Variants in MACF1 observed in about 807,000 individuals in gnomAD.
MACF1 encodes microtubule-actin cross-linking factor 1.
A neutral mutation model predicts 854.8 loss-of-function variants in MACF1; 193 were observed. The observed-to-expected ratio is 0.23, with a 90% CI of 0.20 to 0.25. MACF1 has a LOEUF of 0.25. Ranked by LOEUF, MACF1 falls within the 10% of genes least tolerant of loss-of-function variation. MACF1 has a pLI of 1.00. For missense variants in MACF1, 7,722 were observed against 8,929.1 expected, an observed-to-expected ratio of 0.86 and a Z score of 5.45; for synonymous variants, 3,185 against 3,226.7, an observed-to-expected ratio of 0.99 and a Z score of 0.44.
chr1:39,113,332 A>G (rs1265185166), intron 2 of MACF1, among the ~76,000 whole-genome samples: 1 of 152,182 alleles, frequency 6.6e-6, no homozygotes, highest in African/African-American at 2.4e-5. Flanking sequence ...ATCACTTCCT[A>G]TATGTCTCAA....
chr1:39,332,748 C>G lies in MACF1; in HGVS notation c.6160C>G (p.Arg2054Gly), dbSNP rs533875392. Residue 2054 changes from arginine to glycine, a missense_variant, in exon 37 of 101, where the codon CGG (arginine) becomes GGG (glycine). Coordinates refer to ENST00000564288, the MANE Select transcript of MACF1 (RefSeq NM_001394062.1). Reference protein sequence around the residue: ...FSSQNKEYPDREDCTTEKGKK... With the variant: ...FSSQNKEYPDGEDCTTEKGKK... ...TTCTCAGAACAAAGAATATCCCGAT[C>G]GGGAAGATTGCACTACAGAAAAAGG... 1.9e-6 allele frequency: 3 copies of G among 1,614,058 alleles called. No individual in the cohort carries two copies. The highest frequency in any genetic ancestry group is 1.7e-6 in the Non-Finnish European group (2 of 1,180,014).
chr1:39,329,308 C>T (rs1250114640), intron 36 of MACF1, among the ~76,000 whole-genome samples: 1 of 152,126 alleles, frequency 6.6e-6, no homozygotes, highest in East Asian at 1.9e-4. Flanking sequence ...GCTATCCATT[C>T]TGTATTCTTA....
chr1:39,350,755 G>C lies in MACF1; in HGVS notation c.10966-30G>C, dbSNP rs181803782. On this transcript the variant is annotated intron_variant, in intron 42 of 100. Transcript: ENST00000564288. ...GGACTTAGAAGCACTAAAGTCGAAG[G>C]CTCTGCCATTCCTATTTTCTTGTGT... is the stretch of plus-strand genomic sequence containing the variant. 1,236 of 1,545,818 alleles carry C rather than the reference G, an allele frequency of 8.0e-4. 6 individuals carry two copies. In the Middle Eastern group the frequency reaches 0.011, roughly 14 times the overall value.
rs1334363674 is a variant in MACF1 at position 39,237,045 on chromosome 1, AG to A, written c.171+5803del. 1.3e-5 allele frequency among the ~76,000 whole-genome samples: 2 copies of A among 152,242 alleles called. 1 individual carries two copies. Among genetic ancestry groups the A allele is most frequent in the East Asian group, 3.8e-4 (2 of 5,204 alleles). The stretch of plus-strand genomic sequence containing the variant: ...TCTTTCCTGATGTAGAGCACTTTGC[AG>A]CGTTTCCAACCCACCTGTCTAGCTT... On this transcript the variant is annotated intron_variant, in intron 2 of 100. Transcript: ENST00000564288.
chr1:39,413,317 G>A, intron 58 of MACF1: 1 of 1,525,108 alleles, frequency 6.6e-7, no homozygotes. Context: ...CTCCCCAGCT[G>A]CTGCAGTGCC....
chr1:39,382,520 C>T (rs1435351703), intron 56 of MACF1, among the ~76,000 whole-genome samples: 2 of 151,498 alleles, frequency 1.3e-5, no homozygotes, highest in Non-Finnish European at 1.5e-5. Context: ...CTGGCTAACA[C>T]AATGAAACCC....
Position 39,461,998 on chromosome 1 carries a change from G to A in MACF1, c.21639G>A (p.Ala7213=), listed in dbSNP as rs142801936. 31 of 1,613,760 alleles carry A rather than the reference G, an allele frequency of 1.9e-5. No homozygotes were observed. The highest frequency in any genetic ancestry group is 1.6e-4 in the Middle Eastern group (1 of 6,084). Reference sequence around the variant, plus strand: ...CTGCTCTTCATCCCAACAAGGATGCGTATCGACCAACAACCGATGCAGATA... The same window carrying A: ...CTGCTCTTCATCCCAACAAGGATGCATATCGACCAACAACCGATGCAGATA... The part of the protein sequence containing the change: ...FVAALHPNKD[A]YRPTTDADKI... The change falls in exon 93 of 101, where the codon GCG becomes GCA. Residue 7213 remains alanine (A), a synonymous_variant. Transcript: ENST00000564288.
chr1:39,163,918 C>T (rs1311008538), intron 2 of MACF1, among the ~76,000 whole-genome samples: 3 of 152,162 alleles, frequency 2.0e-5, no homozygotes, highest in Non-Finnish European at 4.4e-5. Context: ...AATAAAATCA[C>T]CGAAATCCTA....
At chr1:39,290,665 C>CT (rs71060307) in intron 15 of MACF1, among the ~76,000 whole-genome samples, 19 of 59,376 alleles carry the variant, frequency 3.2e-4, no homozygotes, top group African/African-American at 8.9e-4. Flanking sequence ...GTTGATGTAA[C>CT]TTTTTTTTTT....
intron 40 of MACF1, 122 bp from the exon 41 acceptor site, chr1:39,346,855 T>C (rs1569616424): frequency 1.2e-5 from 8 of 693,436 alleles, no homozygotes; most frequent in Non-Finnish European, 2.0e-5. Flanking sequence ...CCTAGAATCA[T>C]TAGTGCCAGT....
At chr1:39,177,430 G>GTT (rs1465464234) in intron 2 of MACF1, among the ~76,000 whole-genome samples, 3 of 152,060 alleles carry the variant, frequency 2.0e-5, no homozygotes, top group Admixed American at 2.0e-4. Flanking sequence ...CCTAACTACT[G>GTT]TTTCTATAGA....
At chr1:39,382,219 G>C in intron 56 of MACF1, 67 bp downstream of exon 56, 1 of 1,440,170 alleles carries the variant, frequency 6.9e-7, no homozygotes, top group Non-Finnish European at 9.6e-7. Context: ...CTCCCAGTAA[G>C]TAGATTTCAT....
intron 2 of MACF1, among the ~76,000 whole-genome samples, chr1:39,237,115 A>G (rs1644868285): frequency 1.3e-5 from 2 of 152,192 alleles, no homozygotes; most frequent in African/African-American, 2.4e-5. Context: ...CTATAGCCAC[A>G]TGAGACAACT....
At chr1:39,103,638 C>G (rs1011920720) in intron 2 of MACF1, 2 of 152,386 alleles carry the variant, frequency 1.3e-5, no homozygotes, top group Non-Finnish European at 2.9e-5. Context: ...TTTTTGTAAA[C>G]TGAGCTCATT....
intron 2 of MACF1, among the ~76,000 whole-genome samples, chr1:39,188,361 C>T (rs1333262503): frequency 6.6e-6 from 1 of 152,098 alleles, no homozygotes; most frequent in African/African-American, 2.4e-5. Context: ...TAAGCTGAGA[C>T]TGCGCCACTA....
chr1:39,390,099 G>GC (rs1406781062), intron 58 of MACF1, among the ~76,000 whole-genome samples: 1 of 152,168 alleles, frequency 6.6e-6, no homozygotes, highest in African/African-American at 2.4e-5. Context: ...TTAACCTGTT[G>GC]CCCCTAGAGT....
intron 5 of MACF1, chr1:39,254,637 C>T (rs1645078138): frequency 2.5e-6 from 1 of 394,284 alleles, no homozygotes; most frequent in Admixed American, 4.3e-5. Context: ...TGTGGATGCA[C>T]CTTAGGTGGG....
At position 39,334,391 on chromosome 1, in the gene MACF1, A is replaced by G. The variant is rs1283356364; in HGVS notation, c.7803A>G (p.Glu2601=). ...TGACCTTGGCAGAAGCTAAAAAAGA[A>G]GGACTGTTAACTAATGAAGCAGTAT... ...QRLTLAEAKK[E]GLLTNEAVLS... is the part of the protein sequence containing the mutation. Residue 2601 remains glutamate, a synonymous_variant, in exon 37 of 101, where the codon GAA becomes GAG. Transcript: ENST00000564288. 6.2e-7 allele frequency: 1 copy of G among 1,614,158 alleles called. No homozygotes were observed. Among genetic ancestry groups the G allele is most frequent in the Non-Finnish European group, 8.5e-7 (1 of 1,180,014 alleles).
chr1:39,105,544 G>C lies in MACF1; in HGVS notation c.220+21106G>C. 1.9e-6 allele frequency: 2 copies of C among 1,064,520 alleles called. No homozygotes were observed. The highest frequency in any genetic ancestry group is 1.1e-6 in the Non-Finnish European group (1 of 879,884). The allele number at this position is 1,064,520 out of a possible 1,614,324, so 65.9% of individuals were successfully genotyped here. On this transcript the variant is annotated intron_variant, in intron 2 of 93. Transcript: ENST00000361689. The surrounding 1 kb of genome is among the most constrained non-coding windows in gnomAD (Gnocchi z 5.9). ...TCTCTGAGACGCACAAAGGGTCGAGGCTGGGGCCGCCGCCGCCTCAGCGCG... is the reference window on the plus strand; with the variant it reads ...TCTCTGAGACGCACAAAGGGTCGAGCCTGGGGCCGCCGCCGCCTCAGCGCG...
Sources: gnomAD v4.1 joint callset for allele counts (sites outside exome capture counted in the v4.1 genomes callset) on GRCh38, gnomAD v4.1.1 for gene constraint, Gnocchi (gnomAD v3.1) non-coding constraint, MANE v1.5 for transcripts, NCBI Gene and HGNC (gene_info 2026-07-23, HGNC 2026-07-21) for gene names.